Variants in FNIP1 observed in about 807,000 individuals in gnomAD.
FNIP1 encodes folliculin-interacting protein 1.
Under a neutral mutation model 124.5 loss-of-function variants are expected in FNIP1, and 40 were observed. The observed-to-expected ratio is 0.32, with a 90% CI of 0.25 to 0.42. FNIP1 has a LOEUF of 0.42. FNIP1 is among the 10% of genes least tolerant of loss of function. FNIP1 has a pLI of 1.00. For synonymous variants in FNIP1, 472 were observed against 470.6 expected, an observed-to-expected ratio of 1.00 and a Z score of -0.04; for missense variants, 1,176 against 1,403.7, an observed-to-expected ratio of 0.84 and a Z score of 2.59.
At chr5:131,792,900 C>G (rs1772456361) in intron 1 of FNIP1, among the ~76,000 whole-genome samples, 3 of 152,190 alleles carry the variant, frequency 2.0e-5, no homozygotes, top group African/African-American at 7.2e-5. Context: ...CCAGGCATTT[C>G]AGGTAAAGGA....
chr5:131,717,539 G>C (rs1349164708), intron 5 of FNIP1, among the ~76,000 whole-genome samples: 4 of 152,104 alleles, frequency 2.6e-5, no homozygotes, highest in African/African-American at 9.7e-5. Flanking sequence ...TATCTGTTAG[G>C]GAGAGGTGGA....
chr5:131,653,526 C>T lies in FNIP1; in HGVS notation c.3109-1527G>A, dbSNP rs185218531. ...TGCACTCTAGCCTGGGCAACAAGAG[C>T]GAAATTCCGTCTCAAAAAAAAAAAA... is the stretch of plus-strand genomic sequence containing the variant. On this transcript the variant is annotated intron_variant, in intron 15 of 17. Coordinates refer to ENST00000510461, the MANE Select transcript of FNIP1 (RefSeq NM_133372.3). 3.3e-3 allele frequency among the ~76,000 whole-genome samples: 489 copies of T among 148,352 alleles called. 3 individuals are homozygous for T. Among genetic ancestry groups the T allele is most frequent in the African/African-American group, 0.012 (464 of 40,242 alleles).
At chr5:131,715,875 T>A (rs1268894475) in intron 6 of FNIP1, among the ~76,000 whole-genome samples, 1 of 152,038 alleles carries the variant, frequency 6.6e-6, no homozygotes, top group African/African-American at 2.4e-5. Flanking sequence ...AAGTTCTTAC[T>A]AAACAGAAAA....
intron 3 of FNIP1, among the ~76,000 whole-genome samples, chr5:131,725,237 G>A (rs1270082561): frequency 1.3e-5 from 2 of 152,134 alleles, no homozygotes; most frequent in Admixed American, 6.6e-5. Flanking sequence ...ATTCTGTGAA[G>A]AAAATCAATG....
intron 15 of FNIP1, among the ~76,000 whole-genome samples, chr5:131,666,137 T>C (rs1443891473): frequency 6.6e-6 from 1 of 152,134 alleles, no homozygotes; most frequent in Non-Finnish European, 1.5e-5. Flanking sequence ...TCTGCCTACC[T>C]CGGCCTCCCA....
chr5:131,723,362 A>G (rs1239165330), intron 3 of FNIP1, among the ~76,000 whole-genome samples: 1 of 152,186 alleles, frequency 6.6e-6, no homozygotes, highest in African/African-American at 2.4e-5. Context: ...TATAGATTTT[A>G]CTATTATACA....
intron 11 of FNIP1, among the ~76,000 whole-genome samples, chr5:131,682,224 T>C (rs1388748002): frequency 2.0e-5 from 3 of 152,124 alleles, no homozygotes. Flanking sequence ...AGTCCATGTG[T>C]CATTGCACAG....
At chr5:131,732,053 T>C (rs1770112570) in intron 2 of FNIP1, among the ~76,000 whole-genome samples, 1 of 152,162 alleles carries the variant, frequency 6.6e-6, no homozygotes, top group African/African-American at 2.4e-5. Context: ...TTCTTTTTAA[T>C]TCCTCTTTCT....
At chr5:131,692,034 T>C (rs1768497243) in intron 11 of FNIP1, among the ~76,000 whole-genome samples, 2 of 148,998 alleles carry the variant, frequency 1.3e-5, no homozygotes, top group African/African-American at 4.9e-5. Flanking sequence ...GACACAAAGA[T>C]ACAAAAAAGA....
At chr5:131,698,231 TTA>T (rs1768774036) in intron 11 of FNIP1, among the ~76,000 whole-genome samples, 1 of 152,282 alleles carries the variant, frequency 6.6e-6, no homozygotes, top group African/African-American at 2.4e-5. Flanking sequence ...TTCTAGAGTC[TTA>T]GTTTTCACTC....
intron 1 of FNIP1, among the ~76,000 whole-genome samples, chr5:131,750,563 G>GT (rs1770837269): frequency 6.6e-6 from 1 of 151,376 alleles, no homozygotes; most frequent in Admixed American, 6.6e-5. Context: ...ATGATAGAAG[G>GT]TGGTAGTGAG....
At position 131,644,780 on chromosome 5, in the gene FNIP1, A is replaced by G; in HGVS notation, c.3423-17T>C. On this transcript the variant is annotated splice_polypyrimidine_tract_variant and intron_variant, in intron 17 of 17. Coordinates refer to ENST00000510461, the MANE Select transcript of FNIP1 (RefSeq NM_133372.3). ...GATTCAATCCTGAAATAAAGGGGAA[A>G]AAAATGTCAGTTTTGATTTTCTGTA... The G allele has an allele frequency of 6.2e-7, 1 of 1,612,918 alleles. No individual in the cohort carries two copies.
intron 11 of FNIP1, among the ~76,000 whole-genome samples, chr5:131,680,258 T>C (rs1768039257): frequency 6.6e-6 from 1 of 152,194 alleles, no homozygotes; most frequent in Non-Finnish European, 1.5e-5. Flanking sequence ...CACTGTCTGG[T>C]AACACCTAGG....
At chr5:131,651,391 C>G (rs7722293) in intron 16 of FNIP1, among the ~76,000 whole-genome samples, 1,604 of 152,254 alleles carry the variant, frequency 0.011, 19 homozygotes, top group African/African-American at 0.036. Flanking sequence ...AAGACACTGT[C>G]TCAAACAAAC....
At chr5:131,792,874 C>T (rs1236465407) in intron 1 of FNIP1, among the ~76,000 whole-genome samples, 1 of 152,132 alleles carries the variant, frequency 6.6e-6, no homozygotes, top group African/African-American at 2.4e-5. Flanking sequence ...TTCCACAATC[C>T]AAAACACTTC....
chr5:131,671,553 C>T lies in FNIP1; in HGVS notation c.2891G>A (p.Gly964Glu). 6.2e-7 allele frequency: 1 copy of T among 1,613,044 alleles called. No individual in the cohort carries two copies. ...DMTRQVSSYY[G>E]GEQEDWAEED... is the part of the protein sequence containing the mutation. ...TTCTGCCCAATCTTCTTGCTCTCCT[C>T]CATAATAACTGCTAACTTGTCTAGT... Residue 964 changes from glycine (G) to glutamate (E), a missense_variant, in exon 14 of 18, where the codon GGA becomes GAA. By Grantham distance (98) the Gly-to-Glu change is moderately conservative (BLOSUM62 -2). Coordinates refer to ENST00000510461, the MANE Select transcript of FNIP1 (RefSeq NM_133372.3).
In FNIP1 at chr5:131,706,395, T is replaced by C. The variant is rs942633064; in HGVS notation, c.914+16A>G. On this transcript the variant is annotated intron_variant, in intron 9 of 17. Coordinates refer to ENST00000510461, the MANE Select transcript of FNIP1 (RefSeq NM_133372.3). ...GAACTACTCAATCTTGTTCTGTGTT[T>C]AAAGTTCCAACTTACCATCTAGGAA... is the stretch of plus-strand genomic sequence containing the variant. The C allele has an allele frequency of 3.1e-6, 5 of 1,602,980 alleles. No individual in the cohort carries two copies. Among genetic ancestry groups the C allele is most frequent in the Non-Finnish European group, 3.4e-6 (4 of 1,174,756 alleles).
chr5:131,698,695 A>G (rs995369267), intron 11 of FNIP1, among the ~76,000 whole-genome samples: 2 of 152,186 alleles, frequency 1.3e-5, no homozygotes, highest in African/African-American at 4.8e-5. Flanking sequence ...TGCTTGTCAA[A>G]TGGCCCAATA....
intron 3 of FNIP1, among the ~76,000 whole-genome samples, chr5:131,726,078 C>T (rs1769857358): frequency 6.6e-6 from 1 of 152,150 alleles, no homozygotes; most frequent in Admixed American, 6.6e-5. Flanking sequence ...TTTTGGTGTG[C>T]TGCTGGATTC....
Sources: gnomAD v4.1 joint callset for allele counts (sites outside exome capture counted in the v4.1 genomes callset) on GRCh38, gnomAD v4.1.1 for gene constraint, MANE v1.5 for transcripts, NCBI Gene and HGNC (gene_info 2026-07-23, HGNC 2026-07-21) for gene names.